The following TET2 variants were observed in gnomAD, a reference collection of about 807,000 sequenced individuals.
TET2 encodes methylcytosine dioxygenase TET2.
A neutral mutation model predicts 142.9 loss-of-function variants in TET2; 299 were observed. The ratio of observed to expected loss-of-function variants is 2.09; its 90% CI spans 1.90 to 2.30. The LOEUF (loss-of-function observed/expected upper bound fraction) is 2.30. Ranked by LOEUF, TET2 falls within the 30% of genes most tolerant of loss-of-function variation. The pLI is 0.00. For synonymous variants in TET2, 819 were observed against 849.0 expected, an observed-to-expected ratio of 0.96 and a Z score of 0.61; for missense variants, 2,418 against 2,378.0, an observed-to-expected ratio of 1.02 and a Z score of -0.35.
chr4:105,221,822 T>C (rs1163096832), intron 2 of TET2, among the ~76,000 whole-genome samples: 2 of 151,898 alleles, frequency 1.3e-5, no homozygotes, highest in Non-Finnish European at 2.9e-5. Flanking sequence ...CACTAACTCG[T>C]CATCTAGCAT....
At chr4:105,184,674 A>C (rs1725320559) in intron 1 of TET2, among the ~76,000 whole-genome samples, 1 of 152,204 alleles carries the variant, frequency 6.6e-6, no homozygotes, top group East Asian at 1.9e-4. Context: ...CTGAAATAGC[A>C]CTTCCCTTTA....
chr4:105,155,134 CTA>C (rs1723501974), intron 1 of TET2, among the ~76,000 whole-genome samples: 1 of 152,068 alleles, frequency 6.6e-6, no homozygotes, highest in African/African-American at 2.4e-5. Context: ...AATGTCTTAT[CTA>C]TGTGAAAACA....
At chr4:105,214,511 A>C (rs1258920420) in intron 2 of TET2, among the ~76,000 whole-genome samples, 1 of 114,788 alleles carries the variant, frequency 8.7e-6, no homozygotes, top group Non-Finnish European at 1.7e-5. Flanking sequence ...AGGTTTCGCC[A>C]TGTTGCCCAG....
intron 2 of TET2, among the ~76,000 whole-genome samples, chr4:105,196,173 T>TTG (rs2110496876): frequency 6.6e-6 from 1 of 152,092 alleles, no homozygotes; most frequent in African/African-American, 2.4e-5. Flanking sequence ...TTCTTTTTTT[T>TTG]TTTTCTGATG....
intron 1 of TET2, among the ~76,000 whole-genome samples, chr4:105,169,217 C>G (rs2110408482): frequency 6.6e-6 from 1 of 152,258 alleles, no homozygotes; most frequent in South Asian, 2.1e-4. Flanking sequence ...TAGAAGTGTT[C>G]TCTGTTCACC....
intron 8 of TET2, among the ~76,000 whole-genome samples, chr4:105,263,055 T>G (rs1730521435): frequency 6.6e-6 from 1 of 151,530 alleles, no homozygotes; most frequent in Admixed American, 6.6e-5. Flanking sequence ...ACAAAAGAAT[T>G]CCTTCTTTAG....
intron 2 of TET2, among the ~76,000 whole-genome samples, chr4:105,224,684 G>GTCTCTCTTTC (rs1728066081): frequency 9.3e-6 from 1 of 108,106 alleles, no homozygotes; most frequent in Non-Finnish European, 1.9e-5. Flanking sequence ...ATATCAGCCA[G>GTCTCTCTTTC]TCTCTCTCTC....
intron 1 of TET2, among the ~76,000 whole-genome samples, chr4:105,153,349 T>C (rs1341614948): frequency 6.6e-6 from 1 of 152,262 alleles, no homozygotes; most frequent in Admixed American, 6.5e-5. Flanking sequence ...TTTAGTCACA[T>C]GATCACATAT....
At chr4:105,254,158 C>G (rs1245380195) in intron 6 of TET2, among the ~76,000 whole-genome samples, 1 of 152,108 alleles carries the variant, frequency 6.6e-6, no homozygotes, top group Non-Finnish European at 1.5e-5. Context: ...GAAGTATTTT[C>G]TCTGCTTCTG....
chr4:105,267,539 T>TAAAAAAAAA (rs35668673), intron 8 of TET2, among the ~76,000 whole-genome samples: 3 of 127,622 alleles, frequency 2.4e-5, no homozygotes, highest in South Asian at 2.5e-4. Context: ...CTTAAACCAC[T>TAAAAAAAAA]AAAAAAAAAA....
In TET2 at chr4:105,189,182, G is replaced by GAAT. The variant is rs554107440; in HGVS notation, c.-192-1168_-192-1166dup. Among the ~76,000 whole-genome samples, 242 of 151,376 alleles carry GAAT rather than the reference G, an allele frequency of 1.6e-3. 2 individuals are homozygous for GAAT. Among genetic ancestry groups the GAAT allele is most frequent in the African/African-American group, 5.7e-3 (235 of 41,382 alleles). On this transcript the variant is annotated intron_variant, in intron 1 of 10. Transcript: ENST00000380013. ...CCTCCCTTCTTACTCTGTAAAATGGGAATAATAATAATGATGATAATGATA... is the reference window on the plus strand; with the variant it reads ...CCTCCCTTCTTACTCTGTAAAATGGGAATAATAATAATAATGATGATAATGATA...
At chr4:105,169,822 T>C (rs2110410579) in intron 1 of TET2, among the ~76,000 whole-genome samples, 1 of 152,308 alleles carries the variant, frequency 6.6e-6, no homozygotes, top group African/African-American at 2.4e-5. Flanking sequence ...CCCAGCACCA[T>C]TTGTTGAATA....
At position 105,236,046 on chromosome 4, in the gene TET2, C is replaced by T. The variant is rs775220658; in HGVS notation, c.2104C>T (p.His702Tyr). Residue 702 changes from histidine to tyrosine, a missense_variant, in exon 3 of 11, where the codon CAC becomes TAC. Coordinates refer to ENST00000380013, the MANE Select transcript of TET2 (RefSeq NM_001127208.3). Reference protein sequence around the residue: ...EKLMSPVLKQHLNQQASETEP... With the variant: ...EKLMSPVLKQYLNQQASETEP... ...ACTTATGTCCCCAGTGTTGAAACAG[C>T]ACTTGAATCAACAGGCTTCAGAGAC... is the stretch of plus-strand genomic sequence containing the variant. 1.2e-6 allele frequency: 2 copies of T among 1,614,030 alleles called. No homozygotes were observed. Among genetic ancestry groups the T allele is most frequent in the Non-Finnish European group, 1.7e-6 (2 of 1,180,020 alleles).
chr4:105,248,324 AAAGTT>A (rs1281574593), intron 6 of TET2, among the ~76,000 whole-genome samples: 1 of 152,198 alleles, frequency 6.6e-6, no homozygotes, highest in Admixed American at 6.5e-5. Flanking sequence ...TTAGTTATAT[AAAGTT>A]AAATTATTTT....
Position 105,235,168 on chromosome 4 carries a change from C to T in TET2, c.1226C>T (p.Pro409Leu). Residue 409 changes from proline (P) to leucine (L), a missense_variant, in exon 3 of 11, where the codon CCT becomes CTT. Pro to Leu is a moderately conservative substitution (Grantham distance 98). Coordinates refer to ENST00000380013, the MANE Select transcript of TET2 (RefSeq NM_001127208.3). ...PPPSQLLLSPPPPLPQVPQLP... is the reference protein window; with the variant it reads ...PPPSQLLLSPLPPLPQVPQLP... ...CCATCACAATTGCTTCTTTCTCCCC[C>T]TCCTCCTCTTCCACAGGTTCCTCAG... is the stretch of plus-strand genomic sequence containing the variant. 1 of 1,613,904 alleles carries T rather than the reference C, an allele frequency of 6.2e-7. No individual in the cohort carries two copies. The highest frequency in any genetic ancestry group is 8.5e-7 in the Non-Finnish European group (1 of 1,179,924).
chr4:105,173,574 G>A (rs1011341190), intron 1 of TET2, among the ~76,000 whole-genome samples: 1 of 152,120 alleles, frequency 6.6e-6, no homozygotes, highest in Admixed American at 6.6e-5. Context: ...AAACTGCAGA[G>A]AAGAATGAGT....
At chr4:105,186,012 AG>A (rs1241877522) in intron 1 of TET2, among the ~76,000 whole-genome samples, 1 of 152,114 alleles carries the variant, frequency 6.6e-6, no homozygotes, top group East Asian at 1.9e-4. Context: ...GGATCACTTG[AG>A]GTTAGGAGTT....
chr4:105,235,572 C>G lies in TET2; in HGVS notation c.1630C>G (p.Arg544Gly), dbSNP rs1440692352. 1 of 1,614,088 alleles carries G rather than the reference C, an allele frequency of 6.2e-7. No individual in the cohort carries two copies. Among genetic ancestry groups the G allele is most frequent in the Non-Finnish European group, 8.5e-7 (1 of 1,179,992 alleles). Residue 544 changes from arginine (R) to glycine (G), a missense_variant, in exon 3 of 11, where the codon CGA becomes GGA. Coordinates refer to ENST00000380013, the MANE Select transcript of TET2 (RefSeq NM_001127208.3). ...CAAAGAGCAAGAGATTCTGAAGGGT[C>G]GAGACAAGGAGCAAACACGAGATCT... is the stretch of plus-strand genomic sequence containing the variant. ...RNKEQEILKG[R>G]DKEQTRDLVP...
At chr4:105,146,006 A>T (rs903032137), upstream of TET2, 4 of 152,226 alleles carry the variant, frequency 2.6e-5, no homozygotes, top group African/African-American at 9.7e-5. Flanking sequence ...CTTCTGCTGA[A>T]TGAGATTAAA....
Sources: allele counts gnomAD v4.1 joint callset (sites outside exome capture counted in the v4.1 genomes callset), GRCh38; gene constraint gnomAD v4.1.1; transcripts MANE v1.5; gene names NCBI Gene and HGNC (gene_info 2026-07-23, HGNC 2026-07-21).